LRRC9: variants seen among roughly 807,000 people sequenced by gnomAD.
LRRC9 encodes the protein leucine rich repeat containing 9, also known as leucine-rich repeat-containing protein 9.
In LRRC9, 122 loss-of-function variants were observed where a neutral mutation model predicts 63.2. That is an observed-to-expected ratio of 1.93 (90% CI 1.67 to 2.24). The LOEUF is 2.24. LRRC9 is among the 30% of genes most tolerant of loss of function. The pLI is 0.00. For synonymous variants in LRRC9, 366 were observed against 213.1 expected (o/e 1.72, Z -6.25); for missense variants, 1,071 against 627.7 (o/e 1.71, Z -7.55).
At chr14:59,963,036 A>T (rs966962307) in intron 10 of LRRC9, among the ~76,000 whole-genome samples, 2 of 152,218 alleles carry the variant, frequency 1.3e-5, no homozygotes, top group African/African-American at 4.8e-5. Flanking sequence ...GTTAAGAAAT[A>T]ACTACTAAGT....
intron 6 of LRRC9, among the ~76,000 whole-genome samples, chr14:59,934,766 CA>C (rs1007161694): frequency 5.8e-4 from 89 of 152,238 alleles, no homozygotes; most frequent in African/African-American, 2.0e-3. Context: ...TTCTAATTAT[CA>C]GGCTGGTAAA....
At chr14:60,029,588 C>T (rs566534310) in intron 28 of LRRC9, among the ~76,000 whole-genome samples, 1 of 152,130 alleles carries the variant, frequency 6.6e-6, no homozygotes, top group South Asian at 2.1e-4. Context: ...GACAGGATGT[C>T]CAGTTACCAG....
At chr14:59,973,588 C>G (rs1031142233) in intron 12 of LRRC9, 1 of 152,072 alleles carries the variant, frequency 6.6e-6, no homozygotes. Context: ...CTTGTGTACT[C>G]TAAAACTCCT....
At chr14:59,969,532 A>T (rs1248308025) in intron 12 of LRRC9, 2 of 152,204 alleles carry the variant, frequency 1.3e-5, no homozygotes, top group African/African-American at 4.8e-5. Context: ...ATGGGCTCTG[A>T]TTTAAAAGAC....
At chr14:60,043,756 C>CTTTTTTTTTTTTTTTTTTT (rs368065898) in intron 29 of LRRC9, among the ~76,000 whole-genome samples, 7 of 71,572 alleles carry the variant, frequency 9.8e-5, no homozygotes, top group Non-Finnish European at 1.4e-4. Flanking sequence ...TTTTCTTTTC[C>CTTTTTTTTTTTTTTTTTTT]TTTTTTTTTT....
At chr14:59,977,404 G>A in intron 14 of LRRC9, 57 bp downstream of exon 14, 1 of 573,536 alleles carries the variant, frequency 1.7e-6, no homozygotes, top group Admixed American at 3.3e-5. Context: ...AAATGTTTGT[G>A]TTTAATACGG....
intron 31 of LRRC9, among the ~76,000 whole-genome samples, chr14:60,062,997 T>C (rs1202108421): frequency 1.3e-5 from 2 of 151,844 alleles, no homozygotes; most frequent in Non-Finnish European, 2.9e-5. Context: ...GTTCAAGCAA[T>C]TCTCCTGCCT....
rs1430372363 is a variant in LRRC9 at position 59,928,151 on chromosome 14, CTT to C, written c.49-116_49-115del. 20 of 563,370 alleles carry C rather than the reference CTT, an allele frequency of 3.6e-5. No individual in the cohort carries two copies. In the East Asian group the frequency reaches 4.9e-4, roughly 14 times the overall value. The allele number at this position is 563,370 out of a possible 1,614,324, so 34.9% of individuals were successfully genotyped here. ...TCATATATGTGATATAACTTTCTCT[CTT>C]GTGAGATTATAAAAATGGCATCAGT... On this transcript the variant is annotated intron_variant, in intron 2 of 31. Transcript: ENST00000445360.
chr14:60,001,340 A>G (rs918020270), intron 19 of LRRC9, among the ~76,000 whole-genome samples: 1 of 152,130 alleles, frequency 6.6e-6, no homozygotes, highest in Non-Finnish European at 1.5e-5. Flanking sequence ...AAACTGAATC[A>G]ACCCCAATGT....
At chr14:59,959,913 T>A (rs1192825576) in exon 9 of LRRC9, 9 of 700,402 alleles carry the variant, frequency 1.3e-5, no homozygotes, top group Non-Finnish European at 2.3e-5. Context: ...CACTGAAGAG[T>A]TGTGAAACTG....
chr14:59,975,023 A>G (rs1176232644), intron 13 of LRRC9, among the ~76,000 whole-genome samples: 28 of 87,012 alleles, frequency 3.2e-4, no homozygotes, highest in South Asian at 1.1e-3. Context: ...ATATATATAT[A>G]TGTGTCACAG....
intron 12 of LRRC9, among the ~76,000 whole-genome samples, 182 bp from the exon 13 acceptor site, chr14:59,974,393 TA>T (rs1885883224): frequency 6.6e-6 from 1 of 152,102 alleles, no homozygotes; most frequent in Non-Finnish European, 1.5e-5. Flanking sequence ...CATATGAATT[TA>T]AGATAAATAA....
chr14:60,066,501 G>C (rs917774247), downstream of LRRC9, among the ~76,000 whole-genome samples: 1 of 151,900 alleles, frequency 6.6e-6, no homozygotes, highest in African/African-American at 2.4e-5. Context: ...TTTGGTTATG[G>C]GCTAGAAACC....
intron 23 of LRRC9, among the ~76,000 whole-genome samples, chr14:60,011,675 A>T (rs1890270615): frequency 6.6e-6 from 1 of 152,234 alleles, no homozygotes; most frequent in African/African-American, 2.4e-5. Context: ...GGACATGAAG[A>T]CTAGACTGAA....
At chr14:60,041,140 A>C (rs1398238964) in intron 29 of LRRC9, among the ~76,000 whole-genome samples, 1 of 151,944 alleles carries the variant, frequency 6.6e-6, no homozygotes, top group Non-Finnish European at 1.5e-5. Context: ...TTTTAGTCTG[A>C]TGGGCTTCCC....
At position 59,992,251 on chromosome 14, in the gene LRRC9, C is replaced by A. The variant is rs577999652; in HGVS notation, c.2212-5405C>A. 6.9e-4 allele frequency among the ~76,000 whole-genome samples: 105 copies of A among 152,304 alleles called. 1 individual carries two copies. The highest frequency in any genetic ancestry group is 2.5e-3 in the African/African-American group (103 of 41,562). On this transcript the variant is annotated intron_variant, in intron 17 of 31. Transcript: ENST00000445360. Reference sequence around the variant, plus strand: ...TTCCAACAGACCTGCAGCTGAGGGTCCTGACTGTTAGAAGGAAAACTAACA... The same window carrying A: ...TTCCAACAGACCTGCAGCTGAGGGTACTGACTGTTAGAAGGAAAACTAACA...
At position 59,965,882 on chromosome 14, in the gene LRRC9, C is replaced by CA. The variant is rs71111678; in HGVS notation, c.1212-669dup. Among the ~76,000 whole-genome samples the CA allele has an allele frequency of 2.0e-3, 58 of 29,232 alleles. 16 individuals carry two copies. The highest frequency in any genetic ancestry group is 3.4e-3 in the African/African-American group (19 of 5,538). The allele number at this position is 29,232 out of a possible 152,430, so 19.2% of individuals were successfully genotyped here. ...TGGGCGACAGAGCGAGACTCCGCCT[C>CA]AAAAAAAAAAAAAAAAAAAAAAAAA... On this transcript the variant is annotated intron_variant, in intron 10 of 31. Transcript: ENST00000445360.
chr14:60,047,460 A>C (rs1247301854), intron 29 of LRRC9, among the ~76,000 whole-genome samples: 1 of 152,136 alleles, frequency 6.6e-6, no homozygotes, highest in Non-Finnish European at 1.5e-5. Flanking sequence ...ATGAAGGATA[A>C]TTTACCAAGC....
intron 8 of LRRC9, among the ~76,000 whole-genome samples, chr14:59,947,275 T>C (rs1227442810): frequency 7.1e-6 from 1 of 140,164 alleles, no homozygotes; most frequent in African/African-American, 2.7e-5. Context: ...GAGCATTTTT[T>C]CATGTGTTTT....
Sources: gnomAD v4.1 joint callset for allele counts (sites outside exome capture counted in the v4.1 genomes callset) on GRCh38, gnomAD v4.1.1 for gene constraint, MANE v1.5 for transcripts, NCBI Gene and HGNC (gene_info 2026-07-23, HGNC 2026-07-21) for gene names.